TCTN1: variants seen among roughly 807,000 people sequenced by gnomAD.
TCTN1 encodes tectonic family member 1, also known as tectonic-1.
Under a neutral mutation model 65.8 loss-of-function variants are expected in TCTN1, and 58 were observed. The ratio of observed to expected loss-of-function variants is 0.88; its 90% CI spans 0.71 to 1.10. TCTN1 has a LOEUF of 1.10. Among genes scored for constraint, TCTN1 ranks in the 50% least tolerant of loss-of-function variants. The pLI, the probability that TCTN1 is intolerant of heterozygous loss-of-function variation, is 0.00. For missense variants in TCTN1, 645 were observed against 719.4 expected (o/e 0.90, Z 1.18); for synonymous variants, 273 against 289.1 (o/e 0.94, Z 0.57).
In TCTN1 at chr12:110,630,865, C is replaced by T. The variant is rs117450096; in HGVS notation, c.625-1607C>T. Among the ~76,000 whole-genome samples, 11 of 152,266 alleles carry T rather than the reference C, an allele frequency of 7.2e-5. No homozygotes were observed. In the East Asian group the frequency reaches 2.1e-3, roughly 29 times the overall value. On this transcript the variant is annotated intron_variant, in intron 4 of 14. Transcript: ENST00000397659. ...GCTTTTCAGGCATTACTTCATGCAC[C>T]CCCCTGGGAGGGATGCACCATTGTC...
rs1298362194 is a variant in TCTN1, at chr12:110,644,874, A to G, written c.1332-93A>G. ...GAGTGAGACCTTATCTCAAAAATAA[A>G]TAAACAAAGGGAAGGAAAGGAAGAA... On this transcript the variant is annotated intron_variant, in intron 11 of 14. Transcript: ENST00000397659. The surrounding 1 kb of genome is among the most constrained non-coding windows in gnomAD (Gnocchi z 4.6). 2 of 1,550,316 alleles carry G rather than the reference A, an allele frequency of 1.3e-6. No homozygotes were observed. Among genetic ancestry groups the G allele is most frequent in the Non-Finnish European group, 1.8e-6 (2 of 1,127,946 alleles).
intron 12 of TCTN1, 184 bp downstream of exon 12, chr12:110,645,313 G>A: frequency 1.4e-6 from 1 of 693,542 alleles, no homozygotes; most frequent in Non-Finnish European, 2.4e-6. Context: ...CAGTTTTATG[G>A]CTTTGAGCCT....
intron 14 of TCTN1, 61 bp downstream of exon 14, chr12:110,647,954 G>C: frequency 6.2e-7 from 1 of 1,607,282 alleles, no homozygotes; most frequent in Non-Finnish European, 8.5e-7. Flanking sequence ...GTGCACGTGG[G>C]GCTAGAAGTC....
chr12:110,649,409 T>C lies in TCTN1; in HGVS notation c.*368T>C, dbSNP rs772581863. ...TCTTTTTGAGGGGAGCTGGTCCGGG[T>C]CTAGTTCACTTCACCAAGAAGTCCA... On this transcript the variant is annotated 3_prime_UTR_variant, in exon 15 of 15. Coordinates refer to ENST00000397659, the MANE Select transcript of TCTN1 (RefSeq NM_001082538.3). 31 of 1,607,058 alleles carry C rather than the reference T, an allele frequency of 1.9e-5. No homozygotes were observed. Among genetic ancestry groups the C allele is most frequent in the Middle Eastern group, 3.3e-4 (2 of 6,050 alleles).
intron 1 of TCTN1, among the ~76,000 whole-genome samples, chr12:110,617,369 G>A (rs1275133898): frequency 6.6e-6 from 1 of 151,038 alleles, no homozygotes; most frequent in African/African-American, 2.5e-5. Context: ...AATTGCCCAG[G>A]CTGGAATGCA....
At chr12:110,635,514 A>G (rs1364800112) in intron 6 of TCTN1, among the ~76,000 whole-genome samples, 3 of 152,122 alleles carry the variant, frequency 2.0e-5, no homozygotes, top group African/African-American at 7.2e-5. Context: ...CCAGCTACTC[A>G]GGAGGCTAAG....
rs527637904 is a variant in TCTN1, at chr12:110,627,375, G to GTT, written c.472+884_472+885insTT. 2.2e-4 allele frequency among the ~76,000 whole-genome samples: 34 copies of GTT among 152,280 alleles called. No individual in the cohort carries two copies. In the South Asian group the frequency reaches 3.3e-3, roughly 15 times the overall value. ...GCCTCTCAAAATGCCGAGATTACAG[G>GTT]TGTGAGCTGCCTTGTCCAGCCCTCA... On this transcript the variant is annotated intron_variant, in intron 3 of 14. Transcript: ENST00000397659.
At chr12:110,643,614 C>G (rs2067106265) in intron 11 of TCTN1, 1 of 152,198 alleles carries the variant, frequency 6.6e-6, no homozygotes, top group Non-Finnish European at 1.5e-5. Context: ...ATGACCCACA[C>G]ACTTCCCACA....
At chr12:110,621,080 C>T (rs1593233507) in intron 2 of TCTN1, among the ~76,000 whole-genome samples, 1 of 152,176 alleles carries the variant, frequency 6.6e-6, no homozygotes, top group African/African-American at 2.4e-5. Context: ...GCCGGGATTT[C>T]AGGTGTAAGC....
chr12:110,635,939 C>G (rs1042773525), intron 6 of TCTN1: 1 of 159,960 alleles, frequency 6.3e-6, no homozygotes, highest in Admixed American at 5.9e-5. Context: ...CAGCACAGGT[C>G]TCTCCAAACA....
At chr12:110,619,626 G>A (rs1452667897) in intron 1 of TCTN1, among the ~76,000 whole-genome samples, 1 of 152,208 alleles carries the variant, frequency 6.6e-6, no homozygotes. Flanking sequence ...CTTTCCAAGC[G>A]AGTCAGATCA....
In TCTN1 at chr12:110,644,666, A is replaced by C; in HGVS notation, c.1332-301A>C. The stretch of plus-strand genomic sequence containing the variant: ...GTACTCCAGCCTGGGCAACAGAGCA[A>C]ACTCCATCTCAAAACAAAACAAAAA... On this transcript the variant is annotated intron_variant, in intron 11 of 14. Transcript: ENST00000397659. This position sits in a 1 kb window ranked among gnomAD's most constrained non-coding sequence, Gnocchi z 4.6. 4 of 378,398 alleles carry C rather than the reference A, an allele frequency of 1.1e-5. No individual in the cohort carries two copies. Among genetic ancestry groups the C allele is most frequent in the Non-Finnish European group, 2.0e-5 (4 of 197,904 alleles). The allele number at this position is 378,398 out of a possible 1,614,324, so 23.4% of individuals were successfully genotyped here.
chr12:110,620,058 T>C, intron 2 of TCTN1, 102 bp downstream of exon 2: 3 of 1,543,028 alleles, frequency 1.9e-6, no homozygotes, highest in Non-Finnish European at 2.7e-6. Context: ...CCAAACCTGA[T>C]TTCCAGTGTT....
chr12:110,642,230 C>T lies in TCTN1; in HGVS notation c.1191-19C>T. ...GGCTGCTCTAGCACTAGGCAGTTGT[C>T]CCTTAACTGTCTGTGAATGTCTGGG... On this transcript the variant is annotated intron_variant, in intron 10 of 14. Transcript: ENST00000397659. 6.2e-7 allele frequency: 1 copy of T among 1,614,046 alleles called. No homozygotes were observed. The highest frequency in any genetic ancestry group is 8.5e-7 in the Non-Finnish European group (1 of 1,179,988).
chr12:110,646,795 G>C (rs2067336395), intron 12 of TCTN1: 1 of 248,714 alleles, frequency 4.0e-6, no homozygotes, highest in Non-Finnish European at 7.9e-6. Context: ...CATGCAATCA[G>C]GTTTTGTCTG....
chr12:110,649,028 T>TTTTC lies in TCTN1; in HGVS notation c.*2-6_*2-3dup, dbSNP rs1000743230. The stretch of plus-strand genomic sequence containing the variant: ...TGGGGTGGCAGCTAAAGTAGCTTCT[T>TTTTC]TTTCTTTCTTTCAGAATGCTCAGAT... On this transcript the variant is annotated splice_polypyrimidine_tract_variant and intron_variant, in intron 14 of 14. Coordinates refer to ENST00000397659, the MANE Select transcript of TCTN1 (RefSeq NM_001082538.3). 2.1e-6 allele frequency: 1 copy of TTTTC among 487,670 alleles called. No homozygotes were observed. Among genetic ancestry groups the TTTTC allele is most frequent in the Middle Eastern group, 3.1e-4 (1 of 3,260 alleles). The allele number at this position is 487,670 out of a possible 1,614,324, so 30.2% of individuals were successfully genotyped here.
At position 110,626,409 on chromosome 12, in the gene TCTN1, A is replaced by T. The variant is rs1211642593; in HGVS notation, c.389A>T (p.Asn130Ile). The stretch of plus-strand genomic sequence containing the variant: ...CAAAAAGCAGTCATCTATTCATTGA[A>T]TTTTACAGCAAACCCACCTCAAAGA... ...CSQKAVIYSL[N>I]FTANPPQRVF... is the part of the protein sequence containing the mutation. The change falls in exon 3 of 15, where the codon AAT becomes ATT. Residue 130 changes from asparagine (N) to isoleucine (I), a missense_variant. Asn to Ile is a moderately radical substitution (Grantham distance 149). Coordinates refer to ENST00000397659, the MANE Select transcript of TCTN1 (RefSeq NM_001082538.3). 1 of 1,606,592 alleles carries T rather than the reference A, an allele frequency of 6.2e-7. No homozygotes were observed. Among genetic ancestry groups the T allele is most frequent in the East Asian group, 2.2e-5 (1 of 44,826 alleles).
chr12:110,644,883 G>T lies in TCTN1; in HGVS notation c.1332-84G>T. 1 of 1,565,468 alleles carries T rather than the reference G, an allele frequency of 6.4e-7. No homozygotes were observed. Among genetic ancestry groups the T allele is most frequent in the Non-Finnish European group, 8.8e-7 (1 of 1,139,444 alleles). On this transcript the variant is annotated intron_variant, in intron 11 of 14. Transcript: ENST00000397659. The surrounding 1 kb of genome is among the most constrained non-coding windows in gnomAD (Gnocchi z 4.6). ...CTTATCTCAAAAATAAATAAACAAA[G>T]GGAAGGAAAGGAAGAAGAAAATGAA...
Position 110,645,050 on chromosome 12 carries a change from C to A in TCTN1, c.1415C>A (p.Ala472Asp), listed in dbSNP as rs375516104. The stretch of plus-strand genomic sequence containing the variant: ...GGCCAGGGCTTCCCAGATTACGTGG[C>A]CCCTTTTGGAAATTCCCAGGCCCAG... ...LWGQGFPDYV[A>D]PFGNSQAQDM... is the part of the protein sequence containing the mutation. The change falls in exon 12 of 15, where the codon GCC (alanine) becomes GAC (aspartate). Residue 472 changes from alanine (A) to aspartate (D), a missense_variant. By Grantham distance (126) the Ala-to-Asp change is moderately radical. Transcript: ENST00000397659. 1.2e-6 allele frequency: 2 copies of A among 1,613,864 alleles called. No homozygotes were observed. Among genetic ancestry groups the A allele is most frequent in the African/African-American group, 2.7e-5 (2 of 74,902 alleles).
Sources: allele counts gnomAD v4.1 joint callset (sites outside exome capture counted in the v4.1 genomes callset), GRCh38; gene constraint gnomAD v4.1.1; non-coding constraint Gnocchi (gnomAD v3.1); transcripts MANE v1.5; gene names NCBI Gene and HGNC (gene_info 2026-07-23, HGNC 2026-07-21).